The following VTI1A variants were observed in gnomAD, a reference collection of about 807,000 sequenced individuals.
VTI1A encodes the protein vesicle transport through interaction with t-SNAREs homolog 1A.
VTI1A carries 22 observed loss-of-function variants against 34.9 expected under a neutral mutation model. The observed-to-expected ratio is 0.63, with a 90% CI of 0.45 to 0.90. The LOEUF is 0.90. Among genes scored for constraint, VTI1A ranks in the 40% least tolerant of loss-of-function variants. VTI1A has a pLI of 0.00. For synonymous variants in VTI1A, 87 were observed against 97.3 expected (o/e 0.89, Z 0.62); for missense variants, 268 against 275.6 (o/e 0.97, Z 0.20).
chr10:112,728,164 A>G (rs1451022436), intron 7 of VTI1A, among the ~76,000 whole-genome samples: 1 of 150,222 alleles, frequency 6.7e-6, no homozygotes, highest in Admixed American at 6.7e-5. Flanking sequence ...GTAAAGAGAC[A>G]GGTTTCCTTC....
intron 7 of VTI1A, among the ~76,000 whole-genome samples, chr10:112,752,740 T>G (rs1287183108): frequency 2.0e-5 from 3 of 152,210 alleles, no homozygotes; most frequent in African/African-American, 7.2e-5. Context: ...TATTAGTGTT[T>G]GGGGAAGAAA....
At chr10:112,837,242 G>A in the VTI1A span, among the ~76,000 whole-genome samples, 1 of 152,268 alleles carries the variant, frequency 6.6e-6, no homozygotes, top group African/African-American at 2.4e-5. Flanking sequence ...CAGGAGAATC[G>A]TTTGAACCTG....
chr10:112,458,075 A>G (rs1438764984), intron 1 of VTI1A, among the ~76,000 whole-genome samples: 1 of 152,172 alleles, frequency 6.6e-6, no homozygotes, highest in Non-Finnish European at 1.5e-5. Flanking sequence ...CTTGCTTTCA[A>G]GAAAATTGAC....
intron 7 of VTI1A, among the ~76,000 whole-genome samples, chr10:112,777,315 T>C (rs1851980351): frequency 6.6e-6 from 1 of 152,180 alleles, no homozygotes; most frequent in Admixed American, 6.5e-5. Context: ...GTGTCTGAAT[T>C]ACTGTGGTGG....
At chr10:112,697,866 ATGTG>A (rs67142519) in intron 7 of VTI1A, among the ~76,000 whole-genome samples, 8,796 of 134,832 alleles carry the variant, frequency 0.065, 284 homozygotes, top group Non-Finnish European at 0.072. Flanking sequence ...TAGCATTTAC[ATGTG>A]TGTGTGTGTG....
At chr10:112,736,677 G>A (rs1390824631) in intron 7 of VTI1A, 1 of 1,551,290 alleles carries the variant, frequency 6.4e-7, no homozygotes, top group Non-Finnish European at 8.7e-7. Context: ...TAGCAATGAG[G>A]GATGGTGAGA....
the VTI1A span, among the ~76,000 whole-genome samples, chr10:112,846,765 CAAAA>C: frequency 6.6e-5 from 4 of 60,612 alleles, no homozygotes; most frequent in Admixed American, 1.7e-4. Context: ...GACTCCGTCT[CAAAA>C]AAAAAAAAAA....
At position 112,805,195 on chromosome 10, in the gene VTI1A, G is replaced by A. The variant is rs1020574824; in HGVS notation, c.561-10095G>A. Among the ~76,000 whole-genome samples the A allele has an allele frequency of 4.6e-5, 7 of 152,104 alleles. 2 individuals carry two copies. The highest frequency in any genetic ancestry group is 1.9e-4 in the East Asian group (1 of 5,170). ...AGCTTTTGGCTTTTAGATCATGAGT[G>A]GGCAAATCACAGACAGTGGGCTATA... On this transcript the variant is annotated intron_variant, in intron 7 of 7. Transcript: ENST00000393077.
intron 7 of VTI1A, among the ~76,000 whole-genome samples, chr10:112,770,562 ATT>A (rs58004822): frequency 7.2e-6 from 1 of 139,752 alleles, no homozygotes. Flanking sequence ...CGCCCGGCTA[ATT>A]TTTTTTTTTT....
chr10:112,793,004 C>CTT (rs1852540277), intron 7 of VTI1A, among the ~76,000 whole-genome samples: 1 of 152,162 alleles, frequency 6.6e-6, no homozygotes, highest in African/African-American at 2.4e-5. Context: ...TTCCTTGCCT[C>CTT]GCCTGGCTCT....
chr10:112,732,162 G>A (rs1250132235), intron 7 of VTI1A, among the ~76,000 whole-genome samples: 1 of 152,010 alleles, frequency 6.6e-6, no homozygotes, highest in African/African-American at 2.4e-5. Flanking sequence ...GACATCACAA[G>A]TTTGATTACC....
chr10:112,699,145 G>C (rs1414566859), intron 7 of VTI1A, among the ~76,000 whole-genome samples: 1 of 152,178 alleles, frequency 6.6e-6, no homozygotes, highest in Non-Finnish European at 1.5e-5. Flanking sequence ...CATCTTACTT[G>C]GTAATTTCAG....
intron 7 of VTI1A, among the ~76,000 whole-genome samples, chr10:112,727,005 A>C (rs1447655855): frequency 6.6e-6 from 1 of 152,200 alleles, no homozygotes; most frequent in Non-Finnish European, 1.5e-5. Flanking sequence ...AATTTATAGC[A>C]ATTTGATGTG....
chr10:112,753,350 A>G (rs1451298700), intron 7 of VTI1A, among the ~76,000 whole-genome samples: 1 of 152,022 alleles, frequency 6.6e-6, no homozygotes, highest in African/African-American at 2.4e-5. Flanking sequence ...ACTTTTGTCA[A>G]CTCTAGAAAG....
chr10:112,836,823 C>A, the VTI1A span, among the ~76,000 whole-genome samples: 1 of 152,128 alleles, frequency 6.6e-6, no homozygotes, highest in Non-Finnish European at 1.5e-5. Flanking sequence ...ATCTCCTGAG[C>A]TAAAGTAGAA....
intron 7 of VTI1A, among the ~76,000 whole-genome samples, chr10:112,697,627 C>T (rs1848842425): frequency 1.3e-5 from 2 of 151,862 alleles, no homozygotes; most frequent in Admixed American, 6.6e-5. Flanking sequence ...AACTCCTGAC[C>T]TCAGGTGATC....
intron 7 of VTI1A, among the ~76,000 whole-genome samples, chr10:112,700,078 A>T (rs967779812): frequency 6.7e-6 from 1 of 148,360 alleles, no homozygotes; most frequent in South Asian, 2.2e-4. Context: ...AGATCGTGCT[A>T]CTGCACTCCA....
At chr10:112,798,102 G>A (rs1049177342) in intron 7 of VTI1A, among the ~76,000 whole-genome samples, 2 of 152,160 alleles carry the variant, frequency 1.3e-5, no homozygotes, top group East Asian at 3.9e-4. Flanking sequence ...CCTGCAGGGC[G>A]CTCTGACCAT....
At chr10:112,576,089 C>T (rs1395687491) in intron 5 of VTI1A, among the ~76,000 whole-genome samples, 2 of 147,532 alleles carry the variant, frequency 1.4e-5, no homozygotes, top group African/African-American at 5.0e-5. Context: ...GGCGCTATCT[C>T]GGCTCACTGC....
Sources: gnomAD v4.1 joint callset for allele counts (sites outside exome capture counted in the v4.1 genomes callset) on GRCh38, gnomAD v4.1.1 for gene constraint, MANE v1.5 for transcripts, NCBI Gene and HGNC (gene_info 2026-07-23, HGNC 2026-07-21) for gene names.